The following TMEM71 variants were observed in gnomAD, a reference collection of about 807,000 sequenced individuals.
TMEM71 encodes the protein transmembrane protein 71.
A neutral mutation model predicts 38.0 loss-of-function variants in TMEM71; 44 were observed. The ratio of observed to expected loss-of-function variants is 1.16; its 90% CI spans 0.91 to 1.49. The LOEUF is 1.49. Among genes scored for constraint, TMEM71 ranks in the 40% most tolerant of loss-of-function variants. The pLI is 0.00. For missense variants in TMEM71, 367 were observed against 348.6 expected, an observed-to-expected ratio of 1.05 and a Z score of -0.42; for synonymous variants, 133 against 122.5, an observed-to-expected ratio of 1.09 and a Z score of -0.56.
At chr8:132,757,191 C>T (rs1321160084) in intron 3 of TMEM71, 43 bp downstream of exon 3, 11 of 1,492,680 alleles carry the variant, frequency 7.4e-6, no homozygotes, top group South Asian at 3.4e-5. Context: ...CCACCACGCC[C>T]GGCCAGAATG....
chr8:132,705,960 G>A (rs977081617), downstream of TMEM71, among the ~76,000 whole-genome samples: 27 of 152,122 alleles, frequency 1.8e-4, no homozygotes, highest in African/African-American at 5.3e-4. Context: ...GTATTTGGAG[G>A]TGGGGACTTT....
chr8:132,734,196 A>C (rs1193354105), intron 5 of TMEM71, among the ~76,000 whole-genome samples: 1 of 152,136 alleles, frequency 6.6e-6, no homozygotes, highest in African/African-American at 2.4e-5. Flanking sequence ...ACACACACAC[A>C]CAGAGACACA....
chr8:132,719,034 T>C (rs1284116770), intron 7 of TMEM71, among the ~76,000 whole-genome samples: 2 of 152,224 alleles, frequency 1.3e-5, no homozygotes, highest in Admixed American at 6.5e-5. Context: ...AAAACTGTTA[T>C]TCTAAAATGA....
At chr8:132,722,769 TTG>T (rs1826927058) in intron 6 of TMEM71, among the ~76,000 whole-genome samples, 1 of 152,226 alleles carries the variant, frequency 6.6e-6, no homozygotes, top group Admixed American at 6.5e-5. Flanking sequence ...TATGAAATAT[TTG>T]TCTTTGAAAA....
At chr8:132,711,046 T>C in intron 9 of TMEM71, 64 bp from the exon 10 acceptor site, 2 of 1,500,970 alleles carry the variant, frequency 1.3e-6, no homozygotes, top group African/African-American at 1.4e-5. Context: ...ATGCAGTATC[T>C]AATCACTGCA....
At chr8:132,758,981 T>C in intron 1 of TMEM71, 66 bp from the exon 2 acceptor site, 3 of 937,332 alleles carry the variant, frequency 3.2e-6, no homozygotes, top group Non-Finnish European at 5.2e-6. Context: ...CCAAAACAGA[T>C]GGCATCTACT....
At chr8:132,774,811 T>C in the TMEM71 span, among the ~76,000 whole-genome samples, 1 of 152,246 alleles carries the variant, frequency 6.6e-6, no homozygotes, top group Non-Finnish European at 1.5e-5. Context: ...GTTATTCAGC[T>C]GTGCCTGAGC....
At chr8:132,764,619 G>A (rs912344496), upstream of TMEM71, among the ~76,000 whole-genome samples, 3 of 152,118 alleles carry the variant, frequency 2.0e-5, no homozygotes, top group Non-Finnish European at 2.9e-5. Flanking sequence ...AGCTTCTCTA[G>A]CTTTGCTCCA....
rs368119706 is a variant in TMEM71, at chr8:132,745,989, G to T, written c.487+953C>A. On this transcript the variant is annotated intron_variant, in intron 5 of 9. Coordinates refer to ENST00000677595, the MANE Select transcript of TMEM71 (RefSeq NM_001382403.1). ...AGTGGATATTCATGAATATAAAGAT[G>T]GCAACAATAGATACTGGGGCTACTA... is the stretch of plus-strand genomic sequence containing the variant. Among the ~76,000 whole-genome samples the T allele has an allele frequency of 3.4e-5, 5 of 145,826 alleles. No homozygotes were observed. The South Asian group carries it at 1.1e-3, about 33-fold the overall frequency.
chr8:132,752,832 G>A lies in TMEM71; in HGVS notation c.102-835C>T, dbSNP rs760407790. On this transcript the variant is annotated intron_variant, in intron 3 of 9. Coordinates refer to ENST00000677595, the MANE Select transcript of TMEM71 (RefSeq NM_001382403.1). ...GAAAGGAAGAAGGGAAGGAAGAAAGGAAGGAAGGAAGGAAGGAAGGAAGGA... is the reference window on the plus strand; with the variant it reads ...GAAAGGAAGAAGGGAAGGAAGAAAGAAAGGAAGGAAGGAAGGAAGGAAGGA... Among the ~76,000 whole-genome samples, 17 of 16,626 alleles carry A rather than the reference G, an allele frequency of 1.0e-3. No individual in the cohort carries two copies. In the South Asian group the frequency reaches 0.025, roughly 24 times the overall value. 10.9% of individuals were successfully genotyped at this position (16,626 alleles called of 152,430 possible).
intron 5 of TMEM71, among the ~76,000 whole-genome samples, chr8:132,742,832 G>A (rs1186195014): frequency 1.3e-5 from 2 of 152,188 alleles, no homozygotes; most frequent in African/African-American, 4.8e-5. Flanking sequence ...CCAAGACTGG[G>A]CAATTTACGA....
intron 3 of TMEM71, among the ~76,000 whole-genome samples, chr8:132,756,410 ATTATAT>A (rs1246047812): frequency 2.3e-4 from 15 of 65,902 alleles, no homozygotes; most frequent in African/African-American, 1.1e-3. Flanking sequence ...TAACATATAT[ATTATAT>A]ATATATATAT....
In TMEM71 at chr8:132,722,017, C is replaced by T. The variant is rs761889727; in HGVS notation, c.752+23G>A. 19 of 1,594,236 alleles carry T rather than the reference C, an allele frequency of 1.2e-5. No homozygotes were observed. The South Asian group carries it at 2.1e-4, about 18-fold the overall frequency. ...TTTCACTAATTATGAAATACCGCTG[C>T]ATGAAAATAAAACGTGAATTACCTT... On this transcript the variant is annotated intron_variant, in intron 7 of 9. Coordinates refer to ENST00000677595, the MANE Select transcript of TMEM71 (RefSeq NM_001382403.1).
downstream of TMEM71, among the ~76,000 whole-genome samples, chr8:132,706,606 T>C (rs1826098231): frequency 6.6e-6 from 1 of 152,166 alleles, no homozygotes; most frequent in Non-Finnish European, 1.5e-5. Flanking sequence ...CCTTCATATA[T>C]ATAAATGCTG....
At chr8:132,736,861 T>C (rs1046267518) in intron 5 of TMEM71, among the ~76,000 whole-genome samples, 3 of 151,980 alleles carry the variant, frequency 2.0e-5, no homozygotes, top group African/African-American at 7.3e-5. Context: ...AGAGAGCAGT[T>C]CTTAAATGTT....
chr8:132,743,585 A>G (rs1315809613), intron 5 of TMEM71, among the ~76,000 whole-genome samples: 1 of 152,024 alleles, frequency 6.6e-6, no homozygotes, highest in African/African-American at 2.4e-5. Flanking sequence ...TCAATGTTTG[A>G]GTTCACAACA....
chr8:132,756,411 T>TATATATATATATATATATATA (rs1554619985), intron 3 of TMEM71, among the ~76,000 whole-genome samples: 1 of 115,836 alleles, frequency 8.6e-6, no homozygotes, highest in Non-Finnish European at 1.7e-5. Context: ...AACATATATA[T>TATATATATATATATATATATA]TATATATATA....
chr8:132,762,594 A>G (rs1829317406), upstream of TMEM71, among the ~76,000 whole-genome samples: 1 of 152,132 alleles, frequency 6.6e-6, no homozygotes, highest in South Asian at 2.1e-4. Context: ...AGGTCTTTCC[A>G]CATATCAACA....
chr8:132,775,442 A>G, the TMEM71 span: 1 of 385,432 alleles, frequency 2.6e-6, no homozygotes, highest in Non-Finnish European at 4.6e-6. Context: ...GCGGACCCTG[A>G]GCGAGCTTGA....
Sources: gnomAD v4.1 joint callset for allele counts (sites outside exome capture counted in the v4.1 genomes callset) on GRCh38, gnomAD v4.1.1 for gene constraint, MANE v1.5 for transcripts, NCBI Gene and HGNC (gene_info 2026-07-23, HGNC 2026-07-21) for gene names.